The following PDE4D variants were observed in gnomAD, a reference collection of about 807,000 sequenced individuals.
PDE4D encodes phosphodiesterase 4D.
Under a neutral mutation model 87.4 loss-of-function variants are expected in PDE4D, and 24 were observed. The ratio of observed to expected loss-of-function variants is 0.27; its 90% CI spans 0.20 to 0.39. The LOEUF is 0.39. Among genes scored for constraint, PDE4D ranks in the 10% least tolerant of loss-of-function variants. The pLI, the probability that PDE4D is intolerant of heterozygous loss-of-function variation, is 1.00. For synonymous variants in PDE4D, 384 were observed against 383.2 expected (o/e 1.00, Z -0.02); for missense variants, 714 against 1,041.0 (o/e 0.69, Z 4.32).
intron 2 of PDE4D, among the ~76,000 whole-genome samples, chr5:59,990,681 A>G (rs999044290): frequency 3.3e-5 from 5 of 152,240 alleles, no homozygotes; most frequent in Non-Finnish European, 7.3e-5. Flanking sequence ...TTTATTAAGT[A>G]GTGCCGTGTT....
At chr5:60,204,120 A>T (rs144539142) in intron 1 of PDE4D, among the ~76,000 whole-genome samples, 1 of 152,360 alleles carries the variant, frequency 6.6e-6, no homozygotes, top group East Asian at 1.9e-4. Context: ...GTAAGCAGGC[A>T]GGAAACAGCC....
intron 1 of PDE4D, among the ~76,000 whole-genome samples, chr5:59,530,630 A>G (rs1277863052): frequency 6.6e-6 from 1 of 152,180 alleles, no homozygotes; most frequent in Non-Finnish European, 1.5e-5. Flanking sequence ...ATTGGATTGA[A>G]TACACAGATG....
chr5:59,137,149 T>G (rs1581001248), intron 5 of PDE4D, among the ~76,000 whole-genome samples: 1 of 151,974 alleles, frequency 6.6e-6, no homozygotes, highest in Non-Finnish European at 1.5e-5. Context: ...TGCCAAAGAG[T>G]CCTCCTCACT....
intron 1 of PDE4D, among the ~76,000 whole-genome samples, chr5:60,414,380 G>C (rs937898114): frequency 2.0e-5 from 3 of 152,044 alleles, no homozygotes; most frequent in Non-Finnish European, 4.4e-5. Flanking sequence ...TATCTTAACT[G>C]TTTTTGATCA....
chr5:59,968,239 C>T (rs1319646867), intron 3 of PDE4D, among the ~76,000 whole-genome samples: 1 of 134,500 alleles, frequency 7.4e-6, no homozygotes, highest in African/African-American at 2.4e-5. Context: ...CTGTCTCGAC[C>T]TCCCAAAGTG....
intron 3 of PDE4D, among the ~76,000 whole-genome samples, chr5:59,949,816 G>T (rs188455998): frequency 4.6e-5 from 7 of 152,068 alleles, no homozygotes; most frequent in Middle Eastern, 3.4e-3. Context: ...TTATCTTTCC[G>T]GTTTTCCTTA....
intron 2 of PDE4D, among the ~76,000 whole-genome samples, chr5:60,175,026 T>A (rs377036609): frequency 1.4e-4 from 22 of 152,132 alleles, no homozygotes; most frequent in African/African-American, 5.3e-4. Flanking sequence ...TCTTTTTCTC[T>A]TTCCTCTCCT....
At chr5:59,235,542 C>T (rs958462548) in intron 1 of PDE4D, among the ~76,000 whole-genome samples, 1 of 152,140 alleles carries the variant, frequency 6.6e-6, no homozygotes, top group Non-Finnish European at 1.5e-5. Context: ...AATCCCAAAT[C>T]TTCTGTTCTT....
At position 59,171,974 on chromosome 5, in the gene PDE4D, TTATATAATAAATATATATTATA is replaced by T. The variant is rs1242806940; in HGVS notation, c.808+8599_808+8620del. Among the ~76,000 whole-genome samples the T allele has an allele frequency of 1.9e-3, 177 of 91,906 alleles. 18 individuals are homozygous for T. The highest frequency in any genetic ancestry group is 2.6e-3 in the Non-Finnish European group (139 of 52,568). 60.3% of individuals were successfully genotyped at this position (91,906 alleles called of 152,430 possible). ...AGAATTATATTTATATATTATATAT[TTATATAATAAATATATATTATA>T]TATATAATAAATATATATTATATAT... On this transcript the variant is annotated intron_variant, in intron 5 of 14. Coordinates refer to ENST00000340635, the MANE Select transcript of PDE4D (RefSeq NM_001104631.2).
At chr5:59,993,558 CA>C (rs2152834068) in intron 2 of PDE4D, among the ~76,000 whole-genome samples, 1 of 151,950 alleles carries the variant, frequency 6.6e-6, no homozygotes, top group African/African-American at 2.4e-5. Context: ...CAAAACAAAA[CA>C]AAAAAGTCAC....
At chr5:60,424,642 T>A (rs1262210164) in intron 1 of PDE4D, among the ~76,000 whole-genome samples, 3 of 152,172 alleles carry the variant, frequency 2.0e-5, no homozygotes, top group South Asian at 2.1e-4. Context: ...ATGCCCTCTC[T>A]CACCACCCCT....
chr5:59,672,324 C>A (rs967988183), intron 1 of PDE4D, among the ~76,000 whole-genome samples: 2 of 152,066 alleles, frequency 1.3e-5, no homozygotes, highest in Non-Finnish European at 2.9e-5. Context: ...TTATGGAAAA[C>A]CAACAAGCAT....
intron 1 of PDE4D, among the ~76,000 whole-genome samples, chr5:59,779,484 A>C (rs1488422021): frequency 6.6e-6 from 1 of 152,198 alleles, no homozygotes; most frequent in Non-Finnish European, 1.5e-5. Flanking sequence ...TATTAATTTA[A>C]ACTTAAATAG....
At chr5:59,820,146 T>C (rs1011787768) in intron 1 of PDE4D, among the ~76,000 whole-genome samples, 6 of 152,228 alleles carry the variant, frequency 3.9e-5, no homozygotes, top group African/African-American at 1.4e-4. Flanking sequence ...AAATACCTTT[T>C]CCAGGATTCA....
At chr5:59,663,372 T>C (rs994383804) in intron 1 of PDE4D, among the ~76,000 whole-genome samples, 1 of 151,950 alleles carries the variant, frequency 6.6e-6, no homozygotes, top group Admixed American at 6.6e-5. Context: ...GGTGTCACTG[T>C]GTTGGCCAGG....
intron 2 of PDE4D, among the ~76,000 whole-genome samples, chr5:60,125,020 C>T (rs1779005960): frequency 6.6e-6 from 1 of 152,156 alleles, no homozygotes; most frequent in African/African-American, 2.4e-5. Flanking sequence ...TCAAAAGCTC[C>T]ATTTCCTTTT....
chr5:59,646,763 C>T (rs536646833), intron 1 of PDE4D, among the ~76,000 whole-genome samples: 1 of 152,108 alleles, frequency 6.6e-6, no homozygotes, highest in Non-Finnish European at 1.5e-5. Context: ...AGGCCGGGTG[C>T]GGTAGCTCAC....
chr5:59,606,245 ATT>A (rs1169576208), intron 1 of PDE4D, among the ~76,000 whole-genome samples: 2 of 144,936 alleles, frequency 1.4e-5, no homozygotes, highest in Non-Finnish European at 3.2e-5. Context: ...AATACATTGT[ATT>A]AACTAAAGGA....
At chr5:60,329,277 A>C (rs967640501) in intron 1 of PDE4D, among the ~76,000 whole-genome samples, 8 of 152,142 alleles carry the variant, frequency 5.3e-5, no homozygotes, top group Non-Finnish European at 1.0e-4. Context: ...AGTTCTTATA[A>C]TGGTGAGTGA....
Sources: allele counts gnomAD v4.1 joint callset (sites outside exome capture counted in the v4.1 genomes callset), GRCh38; gene constraint gnomAD v4.1.1; transcripts MANE v1.5; gene names NCBI Gene and HGNC (gene_info 2026-07-23, HGNC 2026-07-21).